HPSE2: variants seen among roughly 807,000 people sequenced by gnomAD.
HPSE2 encodes heparanase 2 (inactive), also known as inactive heparanase-2.
HPSE2 carries 38 observed loss-of-function variants against 60.5 expected under a neutral mutation model. The ratio of observed to expected loss-of-function variants is 0.63; its 90% CI spans 0.48 to 0.82. The LOEUF (loss-of-function observed/expected upper bound fraction) is 0.82. Among genes scored for constraint, HPSE2 ranks in the 40% least tolerant of loss-of-function variants. HPSE2 has a pLI of 0.00. For synonymous variants in HPSE2, 295 were observed against 293.2 expected (o/e 1.01, Z -0.06); for missense variants, 713 against 740.4 (o/e 0.96, Z 0.43).
chr10:98,466,884 G>A (rs546547877), intron 11 of HPSE2, among the ~76,000 whole-genome samples: 29 of 152,282 alleles, frequency 1.9e-4, no homozygotes, highest in African/African-American at 7.0e-4. Context: ...GCTTCCCGCT[G>A]ATCTTAGAAC....
intron 4 of HPSE2, among the ~76,000 whole-genome samples, chr10:98,742,969 CTTTTCTTTTT>C (rs1949536826): frequency 8.2e-6 from 1 of 121,568 alleles, no homozygotes; most frequent in African/African-American, 3.1e-5. Context: ...TTTTCCTTTT[CTTTTCTTTTT>C]TTTTTTTTTT....
chr10:98,571,333 ATCTT>A (rs1944487030), intron 9 of HPSE2, among the ~76,000 whole-genome samples: 1 of 152,122 alleles, frequency 6.6e-6, no homozygotes, highest in Non-Finnish European at 1.5e-5. Flanking sequence ...GTGAGATTCT[ATCTT>A]TACTACTACT....
intron 9 of HPSE2, among the ~76,000 whole-genome samples, chr10:98,507,635 T>A (rs1452164029): frequency 6.6e-6 from 1 of 152,192 alleles, no homozygotes; most frequent in Non-Finnish European, 1.5e-5. Context: ...TCCCTATCTA[T>A]TCTAGCTATT....
chr10:98,659,675 C>A (rs1021562193), intron 6 of HPSE2, among the ~76,000 whole-genome samples: 3 of 152,160 alleles, frequency 2.0e-5, no homozygotes, highest in Non-Finnish European at 4.4e-5. Flanking sequence ...TTGGAGCATA[C>A]ACACCTATGA....
At chr10:99,134,780 G>A (rs1845577270) in intron 3 of HPSE2, among the ~76,000 whole-genome samples, 1 of 152,138 alleles carries the variant, frequency 6.6e-6, no homozygotes, top group African/African-American at 2.4e-5. Context: ...CAAATTGTAA[G>A]AGCATCAACA....
intron 7 of HPSE2, among the ~76,000 whole-genome samples, chr10:98,632,088 G>A (rs1311086862): frequency 6.6e-6 from 1 of 152,152 alleles, no homozygotes; most frequent in African/African-American, 2.4e-5. Context: ...GGGCAATACT[G>A]AATAGTGTAA....
intron 9 of HPSE2, among the ~76,000 whole-genome samples, chr10:98,533,822 T>C (rs1564946188): frequency 1.3e-5 from 2 of 152,236 alleles, no homozygotes; most frequent in African/African-American, 4.8e-5. Flanking sequence ...ATGGGGACTT[T>C]AAATGCAGAT....
At chr10:99,241,028 C>CA in the HPSE2 span, among the ~76,000 whole-genome samples, 5 of 151,916 alleles carry the variant, frequency 3.3e-5, no homozygotes, top group Admixed American at 6.6e-5. Flanking sequence ...ATGGTGCTCT[C>CA]AAAAAAACCC....
At chr10:99,276,744 A>G in the HPSE2 span, among the ~76,000 whole-genome samples, 1 of 152,112 alleles carries the variant, frequency 6.6e-6, no homozygotes, top group African/African-American at 2.4e-5. Context: ...AAACAGGCAA[A>G]TTCTTTTTTA....
At chr10:99,119,295 C>G (rs1462962265) in intron 3 of HPSE2, among the ~76,000 whole-genome samples, 1 of 152,072 alleles carries the variant, frequency 6.6e-6, no homozygotes, top group Non-Finnish European at 1.5e-5. Context: ...CATTGCTACA[C>G]CAACAGTCAA....
At chr10:98,993,096 A>C (rs1199093137) in intron 3 of HPSE2, among the ~76,000 whole-genome samples, 1 of 152,218 alleles carries the variant, frequency 6.6e-6, no homozygotes, top group Non-Finnish European at 1.5e-5. Flanking sequence ...TTCATCAGTA[A>C]AAATTTAGGC....
At chr10:99,173,302 A>G (rs1412873268) in intron 2 of HPSE2, among the ~76,000 whole-genome samples, 1 of 152,216 alleles carries the variant, frequency 6.6e-6, no homozygotes, top group Non-Finnish European at 1.5e-5. Flanking sequence ...AAAGAGGTCC[A>G]TTAATCTGCC....
chr10:98,723,976 T>G lies in HPSE2; in HGVS notation c.785-2148A>C, dbSNP rs11189775. On this transcript the variant is annotated intron_variant, in intron 4 of 11. Transcript: ENST00000370552. The stretch of plus-strand genomic sequence containing the variant: ...TGTCTCTATTTCCTTCAGTTCTGCT[T>G]TGATCTTAGTTATTTCTTGCCTTTT... Among the ~76,000 whole-genome samples, 641 of 152,126 alleles carry G rather than the reference T, an allele frequency of 4.2e-3. 7 individuals carry two copies. The highest frequency in any genetic ancestry group is 0.015 in the African/African-American group (621 of 41,536).
Position 99,235,743 on chromosome 10 carries a change from C to A in HPSE2, c.60G>T (p.Ala20=). The A allele has an allele frequency of 6.2e-7, 1 of 1,613,910 alleles. No homozygotes were observed. The highest frequency in any genetic ancestry group is 1.1e-5 in the South Asian group (1 of 91,064). Residue 20 remains alanine (A), a synonymous_variant, in exon 1 of 12, where the codon GCG becomes GCT. Coordinates refer to ENST00000370552, the MANE Select transcript of HPSE2 (RefSeq NM_021828.5). ...AMPSSNSRPP[A]CLAPGALYLA... is the part of the protein sequence containing the mutation. ...AGTAGAGAGCCCCCGGGGCTAGGCA[C>A]GCGGGGGGGCGGGAGTTGCTGGAGG... is the stretch of plus-strand genomic sequence containing the variant.
intron 3 of HPSE2, among the ~76,000 whole-genome samples, chr10:99,028,040 T>C (rs1232955891): frequency 6.6e-6 from 1 of 152,156 alleles, no homozygotes; most frequent in Non-Finnish European, 1.5e-5. Flanking sequence ...CCACAGCTAG[T>C]ATCATACTGA....
At chr10:98,846,313 T>G (rs1404424070) in intron 3 of HPSE2, among the ~76,000 whole-genome samples, 1 of 152,194 alleles carries the variant, frequency 6.6e-6, no homozygotes, top group Admixed American at 6.5e-5. Context: ...TGAAAGTGCT[T>G]TGAAAAGCAA....
intron 3 of HPSE2, among the ~76,000 whole-genome samples, chr10:98,765,103 T>C (rs967692337): frequency 6.6e-6 from 1 of 152,148 alleles, no homozygotes; most frequent in Non-Finnish European, 1.5e-5. Flanking sequence ...TCAACACTTC[T>C]CTCTCAGTAA....
At chr10:98,601,341 C>A (rs775746527) in intron 9 of HPSE2, among the ~76,000 whole-genome samples, 2 of 152,188 alleles carry the variant, frequency 1.3e-5, no homozygotes, top group African/African-American at 2.4e-5. Context: ...TTGACACATA[C>A]AATTAACCAT....
chr10:98,796,691 G>C (rs1203038270), intron 3 of HPSE2, among the ~76,000 whole-genome samples: 3 of 152,150 alleles, frequency 2.0e-5, no homozygotes, highest in Non-Finnish European at 4.4e-5. Context: ...ATGGCAGCCT[G>C]GTAAGTGGTT....
Sources: allele counts gnomAD v4.1 joint callset (sites outside exome capture counted in the v4.1 genomes callset), GRCh38; gene constraint gnomAD v4.1.1; transcripts MANE v1.5; gene names NCBI Gene and HGNC (gene_info 2026-07-23, HGNC 2026-07-21).